The following SS18 variants were observed in gnomAD, a reference collection of about 807,000 sequenced individuals.
The protein encoded by SS18 is protein SSXT.
A neutral mutation model predicts 72.5 loss-of-function variants in SS18; 28 were observed. The ratio of observed to expected loss-of-function variants is 0.39; its 90% CI spans 0.29 to 0.53. SS18 has a LOEUF of 0.53. SS18 is among the 20% of genes least tolerant of loss of function. The pLI, the probability that SS18 is intolerant of heterozygous loss-of-function variation, is 0.76. For synonymous variants in SS18, 172 were observed against 164.2 expected, an observed-to-expected ratio of 1.05 and a Z score of -0.37; for missense variants, 518 against 535.3, an observed-to-expected ratio of 0.97 and a Z score of 0.32.
chr18:26,040,900 G>T (rs1333620899), intron 5 of SS18, among the ~76,000 whole-genome samples: 4 of 152,092 alleles, frequency 2.6e-5, no homozygotes, highest in Admixed American at 2.6e-4. Flanking sequence ...ACTTAATACT[G>T]AAGGTACCCT....
chr18:26,087,249 G>A (rs991877768), intron 2 of SS18, among the ~76,000 whole-genome samples: 1 of 152,220 alleles, frequency 6.6e-6, no homozygotes, highest in South Asian at 2.1e-4. Flanking sequence ...TGGTTGTCAC[G>A]GGTTGAGGGG....
rs1019072845 is a variant in SS18 at position 26,043,648 on chromosome 18, T to C, written c.608-4192A>G. Among the ~76,000 whole-genome samples, 6 of 152,280 alleles carry C rather than the reference T, an allele frequency of 3.9e-5. No individual in the cohort carries two copies. In the South Asian group the frequency reaches 1.2e-3, roughly 32 times the overall value. Reference sequence around the variant, plus strand: ...TACCTAAATTATACACCTGTCCACATCAAGAATTTTTAGTAGTTAATAAGA... The same window carrying C: ...TACCTAAATTATACACCTGTCCACACCAAGAATTTTTAGTAGTTAATAAGA... On this transcript the variant is annotated intron_variant, in intron 5 of 10. Transcript: ENST00000415083.
At chr18:26,033,510 CCA>C (rs1491208677) in intron 9 of SS18, among the ~76,000 whole-genome samples, 4 of 142,536 alleles carry the variant, frequency 2.8e-5, no homozygotes, top group Non-Finnish European at 6.0e-5. Context: ...GAAACTCCGT[CCA>C]AAAAAAAAAA....
chr18:26,046,593 C>A (rs1021359681), intron 5 of SS18, among the ~76,000 whole-genome samples: 4 of 152,240 alleles, frequency 2.6e-5, no homozygotes, highest in Non-Finnish European at 5.9e-5. Context: ...TCTGAAATGG[C>A]AGCAATGTCA....
rs377088691 is a variant in SS18 at position 26,031,998 on chromosome 18, G to C, written c.1230+401C>G. Among the ~76,000 whole-genome samples the C allele has an allele frequency of 3.9e-5, 6 of 152,150 alleles. No homozygotes were observed. In the East Asian group the frequency reaches 1.2e-3, roughly 29 times the overall value. On this transcript the variant is annotated intron_variant, in intron 10 of 10. Coordinates refer to ENST00000415083, the MANE Select transcript of SS18 (RefSeq NM_001007559.3). ...AGGTTGGGAAGAAAAGGGATGAGAA[G>C]GGATCACGGAGGGGGAACCAAATGA...
chr18:26,071,227 T>C (rs1000410454), intron 3 of SS18, among the ~76,000 whole-genome samples: 4 of 152,148 alleles, frequency 2.6e-5, no homozygotes, highest in African/African-American at 7.2e-5. Context: ...AACCTACAGA[T>C]GTCAGAAATC....
chr18:26,067,711 C>A (rs376041820), intron 3 of SS18, among the ~76,000 whole-genome samples: 53 of 152,120 alleles, frequency 3.5e-4, no homozygotes, highest in African/African-American at 1.3e-3. Flanking sequence ...CGACGAGCTG[C>A]GCAGCCAGAG....
chr18:26,065,706 TAA>T (rs1359031784), intron 3 of SS18, among the ~76,000 whole-genome samples: 3 of 147,196 alleles, frequency 2.0e-5, no homozygotes, highest in Non-Finnish European at 3.0e-5. Context: ...CCACAGAGAA[TAA>T]AAAGACAATT....
At chr18:26,028,966 G>A (rs1014888211) in intron 10 of SS18, among the ~76,000 whole-genome samples, 1 of 152,194 alleles carries the variant, frequency 6.6e-6, no homozygotes, top group Admixed American at 6.6e-5. Flanking sequence ...TAGGGAAAAA[G>A]AGTGATGCAA....
At chr18:26,077,965 A>G in intron 3 of SS18, 111 bp downstream of exon 3, 1 of 656,720 alleles carries the variant, frequency 1.5e-6, no homozygotes, top group South Asian at 2.3e-5. Flanking sequence ...TCATGTTCTC[A>G]GAGTAAAGCA....
At position 26,073,009 on chromosome 18, in the gene SS18, T is replaced by C. The variant is rs191429768; in HGVS notation, c.231+5067A>G. ...CTTGACCTAACCTAATAGACATATA[T>C]AGAACTCTGCTCTCAGTGGCTAAAC... On this transcript the variant is annotated intron_variant, in intron 3 of 10. Transcript: ENST00000415083. 1.3e-4 allele frequency among the ~76,000 whole-genome samples: 20 copies of C among 152,152 alleles called. No individual in the cohort carries two copies. The East Asian group carries it at 3.5e-3, about 26-fold the overall frequency.
intron 3 of SS18, among the ~76,000 whole-genome samples, chr18:26,070,957 T>C (rs145285603): frequency 7.9e-5 from 12 of 152,022 alleles, no homozygotes; most frequent in South Asian, 4.1e-4. Context: ...AAAGAACTTA[T>C]AGAAATTCTA....
intron 10 of SS18, among the ~76,000 whole-genome samples, chr18:26,023,843 T>G (rs568624190): frequency 6.6e-6 from 1 of 152,234 alleles, no homozygotes; most frequent in South Asian, 2.1e-4. Flanking sequence ...TTTAAAAATT[T>G]TTTTTTCCTT....
chr18:26,078,163 A>G lies in SS18; in HGVS notation c.147-3T>C, dbSNP rs988976045. On this transcript the variant is annotated splice_region_variant and splice_polypyrimidine_tract_variant and intron_variant, in intron 2 of 10. Transcript: ENST00000415083. ...TTGTGTGCAACATCTGCTGATACCT[A>G]TTAAAACAAAACAAGTATCAGTATT... 1 of 1,605,220 alleles carries G rather than the reference A, an allele frequency of 6.2e-7. No homozygotes were observed. The highest frequency in any genetic ancestry group is 8.5e-7 in the Non-Finnish European group (1 of 1,174,520).
At position 26,018,380 on chromosome 18, in the gene SS18, C is replaced by A; in HGVS notation, c.1231G>T (p.Gly411Ter). 1 of 1,583,084 alleles carries A rather than the reference C, an allele frequency of 6.3e-7. No homozygotes were observed. The highest frequency in any genetic ancestry group is 1.1e-5 in the South Asian group (1 of 89,520). ...CACTGCTGGTAATTTCCATACTGTC[C>A]CTAAAAGATAAATTTAAAAATATAA... ...PQQRPYGYDQ[G>*]QYGNYQQ is the part of the protein sequence containing the mutation. Residue 411 changes from glycine (G) to a stop codon, truncating the protein, a stop_gained and splice_region_variant, in exon 11 of 11, where the codon GGA becomes TGA. Coordinates refer to ENST00000415083, the MANE Select transcript of SS18 (RefSeq NM_001007559.3). LOFTEE classifies it high-confidence loss of function.
chr18:26,025,653 C>T (rs1008628460), intron 10 of SS18, among the ~76,000 whole-genome samples: 3 of 151,878 alleles, frequency 2.0e-5, no homozygotes, highest in Non-Finnish European at 4.4e-5. Context: ...AAATAGATAA[C>T]CTGAATACCC....
intron 3 of SS18, among the ~76,000 whole-genome samples, chr18:26,058,497 A>G (rs1598580051): frequency 6.6e-6 from 1 of 152,344 alleles, no homozygotes; most frequent in South Asian, 2.1e-4. Context: ...TTAATCTTGT[A>G]GGAGGAGAGG....
chr18:26,043,616 C>T (rs1279012655), intron 5 of SS18, among the ~76,000 whole-genome samples: 2 of 152,134 alleles, frequency 1.3e-5, no homozygotes, highest in African/African-American at 4.8e-5. Context: ...GAATAGGATT[C>T]TTTACTTACC....
intron 2 of SS18, among the ~76,000 whole-genome samples, chr18:26,081,972 C>T (rs902481803): frequency 6.6e-6 from 1 of 151,908 alleles, no homozygotes; most frequent in South Asian, 2.1e-4. Flanking sequence ...GTGGGAGGAT[C>T]ACTTGAGAAC....
Sources: gnomAD v4.1 joint callset for allele counts (sites outside exome capture counted in the v4.1 genomes callset) on GRCh38, gnomAD v4.1.1 for gene constraint, MANE v1.5 for transcripts, NCBI Gene and HGNC (gene_info 2026-07-23, HGNC 2026-07-21) for gene names.